The following CYP2J2 variants were observed in gnomAD, a reference collection of about 807,000 sequenced individuals.
CYP2J2 encodes the protein cytochrome P450 2J2.
A neutral mutation model predicts 48.8 loss-of-function variants in CYP2J2; 41 were observed. The ratio of observed to expected loss-of-function variants is 0.84; its 90% CI spans 0.66 to 1.09. The LOEUF (loss-of-function observed/expected upper bound fraction) is 1.09, where lower values mean the gene tolerates loss of function less well. CYP2J2 is among the 50% of genes least tolerant of loss of function. CYP2J2 has a pLI of 0.00. For missense variants in CYP2J2, 644 were observed against 617.3 expected, an observed-to-expected ratio of 1.04 and a Z score of -0.46; for synonymous variants, 221 against 227.1, an observed-to-expected ratio of 0.97 and a Z score of 0.24.
At chr1:59,947,845 G>C in the CYP2J2 span, among the ~76,000 whole-genome samples, 1 of 151,714 alleles carries the variant, frequency 6.6e-6, no homozygotes, top group South Asian at 2.1e-4. Flanking sequence ...TAATCTTGTG[G>C]GCTGGAATGC....
upstream of CYP2J2, among the ~76,000 whole-genome samples, chr1:59,927,450 C>A (rs918974165): frequency 6.6e-6 from 1 of 152,096 alleles, no homozygotes; most frequent in Admixed American, 6.5e-5. Flanking sequence ...CAGGTTCCAG[C>A]CTTTCATACC....
intron 1 of CYP2J2, among the ~76,000 whole-genome samples, chr1:59,917,191 T>A (rs149368601): frequency 6.6e-6 from 1 of 152,246 alleles, no homozygotes; most frequent in Non-Finnish European, 1.5e-5. Context: ...AGAGCAGCAA[T>A]GTGAAAGGCA....
chr1:59,902,429 C>CT (rs79262501), intron 7 of CYP2J2, among the ~76,000 whole-genome samples: 21,106 of 149,534 alleles, frequency 0.14, 1,671 homozygotes, highest in African/African-American at 0.23. Context: ...TTAGTAATAA[C>CT]TTTTTTTTTT....
chr1:59,943,073 A>G, the CYP2J2 span, among the ~76,000 whole-genome samples: 1 of 152,234 alleles, frequency 6.6e-6, no homozygotes, highest in Non-Finnish European at 1.5e-5. Flanking sequence ...AACAATAAAG[A>G]ATTCTCTTCT....
At chr1:59,909,525 T>C (rs76531673) in intron 5 of CYP2J2, among the ~76,000 whole-genome samples, 26 of 152,284 alleles carry the variant, frequency 1.7e-4, no homozygotes, top group African/African-American at 5.5e-4. Context: ...CCAAGGGACA[T>C]AGGCGGCTCC....
the CYP2J2 span, among the ~76,000 whole-genome samples, chr1:59,966,456 CTG>C: frequency 6.6e-6 from 1 of 152,216 alleles, no homozygotes; most frequent in African/African-American, 2.4e-5. Flanking sequence ...GATGAGGAAA[CTG>C]AAAGTCACGT....
At chr1:59,935,837 G>A in the CYP2J2 span, among the ~76,000 whole-genome samples, 1 of 152,178 alleles carries the variant, frequency 6.6e-6, no homozygotes, top group African/African-American at 2.4e-5. Flanking sequence ...GCAATGGCAC[G>A]ATCTTGGCTC....
upstream of CYP2J2, among the ~76,000 whole-genome samples, chr1:59,927,891 C>T (rs1644581863): frequency 2.6e-5 from 4 of 152,192 alleles, no homozygotes; most frequent in Admixed American, 2.6e-4. Context: ...GTCTCTTGTT[C>T]TCTTTCTAAG....
chr1:59,912,349 C>G, intron 2 of CYP2J2, 38 bp from the exon 3 acceptor site: 1 of 1,578,282 alleles, frequency 6.3e-7, no homozygotes, highest in South Asian at 1.2e-5. Flanking sequence ...TATTCTGATT[C>G]CATAATATGA....
At position 59,926,522 on chromosome 1, in the gene CYP2J2, T is replaced by C. The variant is rs768241169; in HGVS notation, c.210+15A>G. ...TTAGGGTCAGGACACGCTAGGCACCTTCTCCCACTCCTACCAGCTGAACCT... is the reference window on the plus strand; with the variant it reads ...TTAGGGTCAGGACACGCTAGGCACCCTCTCCCACTCCTACCAGCTGAACCT... On this transcript the variant is annotated intron_variant, in intron 1 of 8. Transcript: ENST00000371204. The C allele has an allele frequency of 6.2e-7, 1 of 1,608,678 alleles. No individual in the cohort carries two copies. Among genetic ancestry groups the C allele is most frequent in the South Asian group, 1.1e-5 (1 of 90,958 alleles).
chr1:59,960,707 G>A, the CYP2J2 span, among the ~76,000 whole-genome samples: 50 of 152,294 alleles, frequency 3.3e-4, no homozygotes, highest in African/African-American at 1.2e-3. Flanking sequence ...GCTGGGCATG[G>A]TGGCAGAGGC....
intron 5 of CYP2J2, among the ~76,000 whole-genome samples, chr1:59,909,182 C>T (rs1045344205): frequency 6.6e-6 from 1 of 152,168 alleles, no homozygotes; most frequent in African/African-American, 2.4e-5. Flanking sequence ...TGAGTTAATG[C>T]TACCCTACAT....
intron 6 of CYP2J2, 116 bp from the exon 7 acceptor site, chr1:59,905,174 G>T: frequency 1.9e-6 from 2 of 1,043,158 alleles, no homozygotes; most frequent in Non-Finnish European, 2.7e-6. Context: ...CAGGTTGCAA[G>T]AAATAAAATG....
the CYP2J2 span, among the ~76,000 whole-genome samples, chr1:59,956,083 C>G: frequency 6.6e-6 from 1 of 151,848 alleles, no homozygotes; most frequent in Non-Finnish European, 1.5e-5. Flanking sequence ...TAGGTACACA[C>G]ATATATAGGG....
the CYP2J2 span, among the ~76,000 whole-genome samples, chr1:59,935,015 C>CATATATATAT: frequency 9.3e-4 from 44 of 47,488 alleles, 1 homozygote; most frequent in East Asian, 2.3e-3. Context: ...TATATATATA[C>CATATATATAT]ATATATATAT....
the CYP2J2 span, among the ~76,000 whole-genome samples, chr1:59,937,575 C>T: frequency 4.7e-4 from 71 of 152,224 alleles, no homozygotes; most frequent in African/African-American, 1.7e-3. Flanking sequence ...TTTTCTTGTT[C>T]TATATAACCT....
At chr1:59,907,948 T>G in intron 5 of CYP2J2, 21 bp from the exon 6 acceptor site, 2 of 1,613,082 alleles carry the variant, frequency 1.2e-6, no homozygotes, top group Non-Finnish European at 1.7e-6. Context: ...CAATGTTTGA[T>G]GTTATTTATT....
chr1:59,940,013 C>T, the CYP2J2 span, among the ~76,000 whole-genome samples: 1 of 152,164 alleles, frequency 6.6e-6, no homozygotes, highest in Non-Finnish European at 1.5e-5. Context: ...CCAGAAGTGC[C>T]ATCCAAGAGC....
the CYP2J2 span, among the ~76,000 whole-genome samples, chr1:59,955,267 TATATATATATCC>T: frequency 1.0e-4 from 3 of 28,970 alleles, no homozygotes; most frequent in South Asian, 2.4e-3. Context: ...TATATATCCA[TATATATATATCC>T]ATATATATAT....
Sources: allele counts gnomAD v4.1 joint callset (sites outside exome capture counted in the v4.1 genomes callset), GRCh38; gene constraint gnomAD v4.1.1; transcripts MANE v1.5; gene names NCBI Gene and HGNC (gene_info 2026-07-23, HGNC 2026-07-21).